LPP: variants seen among roughly 807,000 people sequenced by gnomAD.
The protein encoded by LPP is LIM domain containing preferred translocation partner in lipoma.
A neutral mutation model predicts 60.4 loss-of-function variants in LPP; 38 were observed. The ratio of observed to expected loss-of-function variants is 0.63; its 90% confidence interval spans 0.49 to 0.83. The LOEUF is 0.83. Among genes scored for constraint, LPP ranks in the 40% least tolerant of loss-of-function variants. The probability of loss-of-function intolerance (pLI) is 0.00; values close to 1 mark genes in which losing one functional copy is unlikely to be tolerated. For synonymous variants in LPP, 328 were observed against 290.8 expected (o/e 1.13, Z -1.30); for missense variants, 902 against 783.6 (o/e 1.15, Z -1.80).
chr3:188,563,647 A>G (rs1323732163), intron 6 of LPP, among the ~76,000 whole-genome samples: 1 of 151,672 alleles, frequency 6.6e-6, no homozygotes, highest in African/African-American at 2.4e-5. Context: ...TTTATTACAA[A>G]CAATGTTAAG....
At chr3:188,746,041 GT>G (rs1459802420) in intron 8 of LPP, among the ~76,000 whole-genome samples, 1 of 152,090 alleles carries the variant, frequency 6.6e-6, no homozygotes, top group Non-Finnish European at 1.5e-5. Flanking sequence ...ACGCATCTAA[GT>G]TTTTTTCTTT....
chr3:188,298,691 AG>A (rs1560215947), intron 2 of LPP, among the ~76,000 whole-genome samples: 1 of 152,230 alleles, frequency 6.6e-6, no homozygotes, highest in Admixed American at 6.5e-5. Flanking sequence ...AGACACACTC[AG>A]GGCATGAAAA....
intron 7 of LPP, among the ~76,000 whole-genome samples, chr3:188,654,932 A>T (rs1852843215): frequency 6.6e-6 from 1 of 152,220 alleles, no homozygotes; most frequent in South Asian, 2.1e-4. Flanking sequence ...GTAGTCCAGG[A>T]GTTTGATGGA....
chr3:188,416,440 G>A (rs933996898), intron 4 of LPP, among the ~76,000 whole-genome samples: 3 of 152,140 alleles, frequency 2.0e-5, no homozygotes, highest in South Asian at 2.1e-4. Context: ...AGAACTTCCC[G>A]GGAATTGTGA....
chr3:188,541,504 G>C (rs1825166067), intron 6 of LPP, among the ~76,000 whole-genome samples: 1 of 151,368 alleles, frequency 6.6e-6, no homozygotes, highest in African/African-American at 2.4e-5. Context: ...ACCTAGAGAA[G>C]TATCTTTCCC....
At chr3:188,699,109 A>G (rs2149560880) in intron 7 of LPP, among the ~76,000 whole-genome samples, 1 of 152,356 alleles carries the variant, frequency 6.6e-6, no homozygotes, top group East Asian at 1.9e-4. Flanking sequence ...TGAATCAGAT[A>G]TTATTATTCT....
chr3:188,454,518 A>G (rs1797292637), intron 4 of LPP, among the ~76,000 whole-genome samples: 1 of 152,214 alleles, frequency 6.6e-6, no homozygotes. Flanking sequence ...ATTATTGGAA[A>G]ACAACTCCAG....
intron 4 of LPP, among the ~76,000 whole-genome samples, chr3:188,462,587 C>CATATATATATAT (rs1799339704): frequency 1.2e-4 from 5 of 43,162 alleles, no homozygotes; most frequent in Non-Finnish European, 2.1e-4. Flanking sequence ...TATATATATG[C>CATATATATATAT]ATGTGTGTGT....
intron 7 of LPP, among the ~76,000 whole-genome samples, chr3:188,648,261 G>A (rs1307849969): frequency 1.3e-5 from 2 of 152,064 alleles, no homozygotes; most frequent in Non-Finnish European, 2.9e-5. Flanking sequence ...GCTACATAGG[G>A]ATGGTGAATT....
intron 4 of LPP, among the ~76,000 whole-genome samples, chr3:188,447,812 A>G (rs540938185): frequency 1.1e-4 from 17 of 152,106 alleles, no homozygotes; most frequent in African/African-American, 4.1e-4. Flanking sequence ...GGGATTCTAT[A>G]GCAGTATGGC....
rs564736093 is a variant in LPP at position 188,287,399 on chromosome 3, A to G, written c.-66-54264A>G. On this transcript the variant is annotated intron_variant, in intron 2 of 11. Transcript: ENST00000617246. Reference sequence around the variant, plus strand: ...AGAAACTGAGGTCTGGCAAGGTCACACATCGAGGAAATGGCAAAATCAAGA... The same window carrying G: ...AGAAACTGAGGTCTGGCAAGGTCACGCATCGAGGAAATGGCAAAATCAAGA... Among the ~76,000 whole-genome samples, 6 of 152,342 alleles carry G rather than the reference A, an allele frequency of 3.9e-5. No homozygotes were observed. The East Asian group carries it at 9.6e-4, about 24-fold the overall frequency.
At chr3:188,764,322 G>C (rs1406835351) in intron 9 of LPP, among the ~76,000 whole-genome samples, 2 of 152,160 alleles carry the variant, frequency 1.3e-5, no homozygotes, top group African/African-American at 4.8e-5. Context: ...TGTCTTCACA[G>C]ATAAGGAATA....
chr3:188,163,906 G>A (rs1160476640), intron 1 of LPP, among the ~76,000 whole-genome samples: 1 of 148,794 alleles, frequency 6.7e-6, no homozygotes, highest in Non-Finnish European at 1.5e-5. Context: ...AGCCAGGATG[G>A]CACCACTGCA....
chr3:188,308,852 C>CTTCTTG lies in LPP; in HGVS notation c.-66-32794_-66-32789dup, dbSNP rs142227161. Among the ~76,000 whole-genome samples the CTTCTTG allele has an allele frequency of 4.9e-3, 747 of 151,756 alleles. 2 individuals are homozygous for CTTCTTG. Among genetic ancestry groups the CTTCTTG allele is most frequent in the Non-Finnish European group, 7.6e-3 (516 of 67,956 alleles). On this transcript the variant is annotated intron_variant, in intron 2 of 11. Transcript: ENST00000617246. ...GCCTGAGTTGTTGTTTCTTCTTGTT[C>CTTCTTG]TTCTTGTTCTTGTTCTTGTTCTCGT... is the stretch of plus-strand genomic sequence containing the variant.
At chr3:188,190,710 C>T (rs1278881165) in intron 1 of LPP, among the ~76,000 whole-genome samples, 1 of 152,112 alleles carries the variant, frequency 6.6e-6, no homozygotes, top group African/African-American at 2.4e-5. Flanking sequence ...ACATCCTAGT[C>T]CATAAGATTG....
In LPP at chr3:188,884,506, G is replaced by C. The variant is rs7644364; in HGVS notation, c.*10027G>C. 403 of 229,240 alleles carry C rather than the reference G, an allele frequency of 1.8e-3. 2 individuals carry two copies. The highest frequency in any genetic ancestry group is 8.3e-3 in the African/African-American group (374 of 45,250). 14.2% of individuals were successfully genotyped at this position (229,240 alleles called of 1,614,324 possible). A position where few individuals can be genotyped will look rare whatever the true frequency, so the allele number is the denominator to read the frequency against. On this transcript the variant is annotated 3_prime_UTR_variant, in exon 12 of 12. Coordinates refer to ENST00000617246, the MANE Select transcript of LPP (RefSeq NM_001375462.1). ...CTAGGTATTCTGTCTGATCAGCACT[G>C]TGAGGAAGTTGGTGGGAAAAGGCCA...
chr3:188,351,791 G>C, intron 3 of LPP, among the ~76,000 whole-genome samples: 1 of 152,128 alleles, frequency 6.6e-6, no homozygotes, highest in Non-Finnish European at 1.5e-5. Flanking sequence ...TCTTCTAAGG[G>C]ATATGGATTG....
chr3:188,378,901 C>A (rs921117403), intron 3 of LPP, among the ~76,000 whole-genome samples: 1 of 152,106 alleles, frequency 6.6e-6, no homozygotes, highest in African/African-American at 2.4e-5. Flanking sequence ...ACATGTATTT[C>A]TTTGTTTATT....
At chr3:188,870,281 G>T (rs544195759) in intron 10 of LPP, among the ~76,000 whole-genome samples, 1 of 152,174 alleles carries the variant, frequency 6.6e-6, no homozygotes, top group Non-Finnish European at 1.5e-5. Flanking sequence ...CTCCTTCTCA[G>T]GTCTGTACTG....
Sources: allele counts gnomAD v4.1 joint callset (sites outside exome capture counted in the v4.1 genomes callset), GRCh38; gene constraint gnomAD v4.1.1; transcripts MANE v1.5; gene names NCBI Gene and HGNC (gene_info 2026-07-23, HGNC 2026-07-21).